Variants in ZNF827 observed in about 807,000 individuals in gnomAD.
ZNF827 encodes the protein zinc finger protein 827.
A neutral mutation model predicts 102.4 loss-of-function variants in ZNF827; 13 were observed. That is an observed-to-expected ratio of 0.13 (90% confidence interval 0.08 to 0.20). The LOEUF is 0.20. Ranked by LOEUF, ZNF827 falls within the 10% of genes least tolerant of loss-of-function variation. ZNF827 has a pLI of 1.00. For synonymous variants in ZNF827, 523 were observed against 536.2 expected (o/e 0.98, Z 0.34); for missense variants, 1,103 against 1,344.4 (o/e 0.82, Z 2.81).
At position 145,878,619 on chromosome 4, in the gene ZNF827, G is replaced by A. The variant is rs1749377845; in HGVS notation, c.1747+7059C>T. Among the ~76,000 whole-genome samples the A allele has an allele frequency of 2.9e-5, 4 of 138,600 alleles. No homozygotes were observed. In the South Asian group the frequency reaches 7.2e-4, roughly 25 times the overall value. 90.9% of individuals were successfully genotyped at this position (138,600 alleles called of 152,430 possible). On this transcript the variant is annotated intron_variant, in intron 4 of 14. Coordinates refer to ENST00000508784, the MANE Select transcript of ZNF827 (RefSeq NM_001306215.2). ...GGACAGGACAGGAAAGGAAAGGAAA[G>A]GAAAGGAAAGGAAAGGAAAGGAAAG...
Position 145,880,736 on chromosome 4 carries a change from A to C in ZNF827, c.1747+4942T>G, listed in dbSNP as rs113184668. ...GTCACGTGATTAGTGAGTGCCCATC[A>C]CCAGAAAAGCAAGGCAGGGTTAAAA... On this transcript the variant is annotated intron_variant, in intron 4 of 14. Transcript: ENST00000508784. Among the ~76,000 whole-genome samples, 696 of 152,326 alleles carry C rather than the reference A, an allele frequency of 4.6e-3. 7 individuals are homozygous for C. Among genetic ancestry groups the C allele is most frequent in the African/African-American group, 0.016 (662 of 41,570 alleles).
At chr4:145,938,076 G>A (rs1435629459) in intron 1 of ZNF827, among the ~76,000 whole-genome samples, 1 of 150,570 alleles carries the variant, frequency 6.6e-6, no homozygotes, top group Admixed American at 6.6e-5. Flanking sequence ...GTGAGGAGGG[G>A]GAAGGGGAGG....
chr4:145,809,230 T>G (rs1258615303), intron 8 of ZNF827, among the ~76,000 whole-genome samples: 1 of 152,194 alleles, frequency 6.6e-6, no homozygotes, highest in African/African-American at 2.4e-5. Context: ...GAAAAGATAT[T>G]TTCTCCTTTG....
At chr4:145,893,945 A>C (rs1750794045) in intron 2 of ZNF827, among the ~76,000 whole-genome samples, 1 of 143,530 alleles carries the variant, frequency 7.0e-6, no homozygotes, top group Non-Finnish European at 1.5e-5. Flanking sequence ...AGATATATAC[A>C]AAAAAAAAAA....
chr4:145,844,825 C>T (rs2126633692), intron 7 of ZNF827, among the ~76,000 whole-genome samples: 1 of 152,026 alleles, frequency 6.6e-6, no homozygotes, highest in South Asian at 2.1e-4. Context: ...TTTTTTAAAA[C>T]CTCAGGTTGA....
intron 1 of ZNF827, among the ~76,000 whole-genome samples, chr4:145,927,707 G>T (rs1254693803): frequency 6.6e-6 from 1 of 152,134 alleles, no homozygotes; most frequent in African/African-American, 2.4e-5. Flanking sequence ...ACCATCAAAT[G>T]GTCCAGCCCT....
At chr4:145,903,325 C>T in intron 1 of ZNF827, 110 bp from the exon 2 acceptor site, 1 of 1,454,262 alleles carries the variant, frequency 6.9e-7, no homozygotes, top group Non-Finnish European at 9.0e-7. Flanking sequence ...CACCCAAGAA[C>T]CAAATGAAAG....
Position 145,827,890 on chromosome 4 carries a change from T to C in ZNF827, c.2280-4365A>G, listed in dbSNP as rs535359909. ...GAATGCTGAAATCATATTCCGTAAG[T>C]TCTTTTTCTTCTCCTGTGCCAGTGA... On this transcript the variant is annotated intron_variant, in intron 7 of 14. Coordinates refer to ENST00000508784, the MANE Select transcript of ZNF827 (RefSeq NM_001306215.2). 2.6e-5 allele frequency among the ~76,000 whole-genome samples: 4 copies of C among 152,340 alleles called. No homozygotes were observed. In the South Asian group the frequency reaches 8.3e-4, roughly 32 times the overall value.
chr4:145,937,951 T>C (rs1313224082), intron 1 of ZNF827, among the ~76,000 whole-genome samples: 2 of 150,032 alleles, frequency 1.3e-5, no homozygotes, highest in African/African-American at 4.9e-5. Flanking sequence ...GGAATTTTTT[T>C]TTTTTTAAGA....
At chr4:145,894,756 A>T (rs1750852566) in intron 2 of ZNF827, among the ~76,000 whole-genome samples, 1 of 152,168 alleles carries the variant, frequency 6.6e-6, no homozygotes, top group Admixed American at 6.5e-5. Flanking sequence ...GTAGACACAT[A>T]TAAACAAGCA....
chr4:145,870,567 A>C, intron 4 of ZNF827, 89 bp from the exon 5 acceptor site: 1 of 1,172,232 alleles, frequency 8.5e-7, no homozygotes, highest in East Asian at 2.4e-5. Flanking sequence ...TGGAATGCAC[A>C]ATCACACTGT....
intron 4 of ZNF827, among the ~76,000 whole-genome samples, chr4:145,884,981 G>A (rs1184844999): frequency 6.6e-6 from 1 of 152,104 alleles, no homozygotes; most frequent in African/African-American, 2.4e-5. Flanking sequence ...GTTGTTTAAT[G>A]AGTTTCAGTT....
intron 7 of ZNF827, chr4:145,830,876 G>A (rs1290068548): frequency 6.6e-6 from 1 of 152,218 alleles, no homozygotes; most frequent in African/African-American, 2.4e-5. Flanking sequence ...AGGACCATGT[G>A]TGGTCTTCCT....
chr4:145,767,660 CAG>C (rs1178560831), intron 11 of ZNF827, among the ~76,000 whole-genome samples: 3 of 152,174 alleles, frequency 2.0e-5, no homozygotes, highest in African/African-American at 7.2e-5. Flanking sequence ...ACAAGGATGA[CAG>C]TGGATTTCTC....
At chr4:145,840,294 C>T (rs1745285117) in intron 7 of ZNF827, among the ~76,000 whole-genome samples, 1 of 152,228 alleles carries the variant, frequency 6.6e-6, no homozygotes, top group African/African-American at 2.4e-5. Context: ...CTGTGCACTG[C>T]ACAAAAGCAC....
intron 2 of ZNF827, among the ~76,000 whole-genome samples, chr4:145,896,131 T>C (rs1023286055): frequency 1.3e-5 from 2 of 152,276 alleles, no homozygotes; most frequent in Admixed American, 1.3e-4. Flanking sequence ...ACATAGTAAA[T>C]AGAAGCTACC....
At chr4:145,789,771 G>T (rs928841903) in intron 8 of ZNF827, among the ~76,000 whole-genome samples, 1 of 152,122 alleles carries the variant, frequency 6.6e-6, no homozygotes. Flanking sequence ...TTACAATCTC[G>T]ATTTGTTCCA....
In ZNF827 at chr4:145,761,020, C is replaced by T; in HGVS notation, c.*596G>A. Reference sequence around the variant, plus strand: ...GAGTGCCAGGTTGGGCTCTGAGCTGCTGCCGTGGGCTGCCGACAGGGCCAC... The same window carrying T: ...GAGTGCCAGGTTGGGCTCTGAGCTGTTGCCGTGGGCTGCCGACAGGGCCAC... On this transcript the variant is annotated 3_prime_UTR_variant, in exon 15 of 15. Coordinates refer to ENST00000508784, the MANE Select transcript of ZNF827 (RefSeq NM_001306215.2). This position sits in a 1 kb window ranked among gnomAD's most constrained non-coding sequence, Gnocchi z 6.8. The T allele has an allele frequency of 3.1e-6, 4 of 1,278,330 alleles. No individual in the cohort carries two copies. Among genetic ancestry groups the T allele is most frequent in the Non-Finnish European group, 4.1e-6 (4 of 981,826 alleles). 79.2% of individuals were successfully genotyped at this position (1,278,330 alleles called of 1,614,324 possible).
intron 3 of ZNF827, among the ~76,000 whole-genome samples, chr4:145,889,786 G>A (rs1429460316): frequency 3.3e-5 from 5 of 152,136 alleles, no homozygotes; most frequent in Non-Finnish European, 7.4e-5. Context: ...AGACCAGCGT[G>A]GCTAACATGG....
Sources: allele counts gnomAD v4.1 joint callset (sites outside exome capture counted in the v4.1 genomes callset), GRCh38; gene constraint gnomAD v4.1.1; non-coding constraint Gnocchi (gnomAD v3.1); transcripts MANE v1.5; gene names NCBI Gene and HGNC (gene_info 2026-07-23, HGNC 2026-07-21).